RPGR: variants seen among roughly 807,000 people sequenced by gnomAD.
RPGR encodes retinitis pigmentosa GTPase regulator.
A neutral mutation model predicts 56.3 loss-of-function variants in RPGR; 10 were observed. The observed-to-expected ratio is 0.18, with a 90% CI of 0.11 to 0.30. The LOEUF is 0.30. Among genes scored for constraint, RPGR ranks in the 10% least tolerant of loss-of-function variants. The pLI, the probability that RPGR is intolerant of heterozygous loss-of-function variation, is 1.00. For missense variants in RPGR, 538 were observed against 590.9 expected (o/e 0.91, Z 0.93); for synonymous variants, 197 against 212.9 (o/e 0.93, Z 0.65).
At chrX:38,315,838 T>TATAG (rs768025579) in intron 6 of RPGR, among the ~76,000 whole-genome samples, 1,799 of 90,791 alleles carry the variant, frequency 0.02, 16 homozygotes, top group Middle Eastern at 0.04. Context: ...TATATATATA[T>TATAG]AGAGAGAGAG....
intron 15 of RPGR, chrX:38,285,365 A>G: frequency 6.5e-6 from 7 of 1,075,937 alleles, no homozygotes; most frequent in Non-Finnish European, 8.4e-6. Context: ...GCCAAAATTT[A>G]CCAGTGCCTC....
chrX:38,288,779 A>C (rs1484149055), intron 13 of RPGR, among the ~76,000 whole-genome samples: 1 of 111,261 alleles, frequency 9.0e-6, no homozygotes, highest in Non-Finnish European at 1.9e-5. Context: ...GATCATCTTT[A>C]ATTTTCAATT....
At chrX:38,292,005 ACACTCGTG>A (rs1161043577) in intron 11 of RPGR, among the ~76,000 whole-genome samples, 2 of 109,540 alleles carry the variant, frequency 1.8e-5, no homozygotes, top group South Asian at 7.8e-4. Context: ...ACCCCCAGCT[ACACTCGTG>A]CACTCCCTCT....
chrX:38,286,758 C>A (rs745515080), intron 15 of RPGR: 4 of 1,150,526 alleles, frequency 3.5e-6, no homozygotes, highest in Non-Finnish European at 3.5e-6. Flanking sequence ...TCTCTTCTTC[C>A]TCTTCTCTGT....
intron 8 of RPGR, chrX:38,303,955 T>C (rs1347557395): frequency 7.1e-6 from 2 of 280,172 alleles, no homozygotes; most frequent in East Asian, 5.0e-5. Context: ...TCACAAAGCA[T>C]TGAAAACTGT....
At chrX:38,288,532 C>T (rs1417171879) in intron 13 of RPGR, among the ~76,000 whole-genome samples, 1 of 110,538 alleles carries the variant, frequency 9.0e-6, no homozygotes, top group African/African-American at 3.3e-5. Flanking sequence ...TGGTGAAAAC[C>T]CGTCTCTACT....
At chrX:38,312,151 G>A (rs1471981406) in intron 6 of RPGR, among the ~76,000 whole-genome samples, 1 of 111,882 alleles carries the variant, frequency 8.9e-6, no homozygotes, top group African/African-American at 3.2e-5. Flanking sequence ...CAGCTATATT[G>A]ATTTTCTGAA....
intron 18 of RPGR, among the ~76,000 whole-genome samples, chrX:38,270,579 C>T (rs1422904821): frequency 1.2e-4 from 12 of 101,075 alleles, no homozygotes; most frequent in Admixed American, 2.2e-4. Context: ...GCCAAGATCG[C>T]GCCACTGCAC....
chrX:38,286,332 C>G, intron 15 of RPGR: 1 of 593,714 alleles, frequency 1.7e-6, no homozygotes, highest in South Asian at 2.8e-5. Context: ...CTTCTCCTTC[C>G]TCTTCTCCCT....
chrX:38,283,902 T>C (rs945592794), intron 15 of RPGR, among the ~76,000 whole-genome samples: 2 of 111,893 alleles, frequency 1.8e-5, no homozygotes, highest in African/African-American at 3.2e-5. Flanking sequence ...TCGGCACATA[T>C]ATTTTTATCA....
intron 4 of RPGR, among the ~76,000 whole-genome samples, chrX:38,320,670 T>C (rs746904762): frequency 2.7e-5 from 3 of 112,177 alleles, no homozygotes; most frequent in South Asian, 3.7e-4. Flanking sequence ...AAAGCTCATA[T>C]GGATTTTGAT....
intron 6 of RPGR, among the ~76,000 whole-genome samples, chrX:38,312,442 C>A: frequency 1.8e-5 from 2 of 110,997 alleles, no homozygotes; most frequent in Middle Eastern, 9.2e-3. Context: ...ATATCAGATG[C>A]ATCTTCCAAA....
intron 17 of RPGR, chrX:38,274,981 T>C (rs2066907484): frequency 1.7e-6 from 1 of 605,166 alleles, no homozygotes; most frequent in Non-Finnish European, 2.7e-6. Context: ...TTATAGCATA[T>C]ATGTAAACTT....
Position 38,276,689 on chromosome X carries a change from C to A in RPGR, c.1989G>T (p.Lys663Asn). 8.3e-7 allele frequency: 1 copy of A among 1,209,739 alleles called. No individual in the cohort carries two copies. Among genetic ancestry groups the A allele is most frequent in the Non-Finnish European group, 1.1e-6 (1 of 893,831 alleles). Residue 663 changes from lysine (K) to asparagine (N), a missense_variant, in exon 16 of 19, where the codon AAG (lysine) becomes AAT (asparagine). Physicochemically the swap from Lys to Asn is moderately conservative, Grantham distance 94 (BLOSUM62 0). This residue lies in a region of RPGR where 357 missense variants were observed against 325.8 expected (regional missense o/e 1.10). Transcript: ENST00000642395. ...CACTTTCATCATCTCCCACAGTTTT[C>A]TTCTTGCTTTCCACATTTTCAGCAT...
chrX:38,287,266 A>T, intron 14 of RPGR, 21 bp from the exon 15 acceptor site: 1 of 1,207,751 alleles, frequency 8.3e-7, no homozygotes, highest in Non-Finnish European at 1.1e-6. Context: ...ATCACATTTA[A>T]AATCATACTT....
intron 18 of RPGR, among the ~76,000 whole-genome samples, chrX:38,270,622 CCA>C (rs1491559961): frequency 2.6e-4 from 24 of 93,462 alleles, no homozygotes; most frequent in Admixed American, 7.0e-4. Flanking sequence ...GACTCTGTCC[CCA>C]AAAAAAAAAA....
chrX:38,281,819 T>G (rs1031468010), intron 15 of RPGR, among the ~76,000 whole-genome samples: 1 of 112,030 alleles, frequency 8.9e-6, no homozygotes, highest in Non-Finnish European at 1.9e-5. Flanking sequence ...AGGGCTGGGA[T>G]TTTAACTCAG....
At chrX:38,308,744 C>G (rs1486572960) in intron 7 of RPGR, among the ~76,000 whole-genome samples, 1 of 111,202 alleles carries the variant, frequency 9.0e-6, no homozygotes, top group African/African-American at 3.3e-5. Context: ...TCAAAAACAT[C>G]TTAAACCTCA....
rs199602213 is a variant in RPGR at position 38,285,597 on chromosome X, T to G, written c.1905+1497A>C. The G allele has an allele frequency of 8.1e-5, 98 of 1,209,968 alleles. No homozygotes were observed. In the East Asian group the frequency reaches 2.0e-3, roughly 25 times the overall value. On this transcript the variant is annotated intron_variant, in intron 15 of 18. Transcript: ENST00000642395. The stretch of plus-strand genomic sequence containing the variant: ...TATTCCAGAACTTTTTGGAACCTGA[T>G]GGCCCGTTTTTTAAAAGTCGTTTTG...
Sources: allele counts gnomAD v4.1 joint callset (sites outside exome capture counted in the v4.1 genomes callset), GRCh38; gene constraint gnomAD v4.1.1; regional missense constraint gnomAD v4.1.1; transcripts MANE v1.5; gene names NCBI Gene and HGNC (gene_info 2026-07-23, HGNC 2026-07-21).